ROBO2: variants seen among roughly 807,000 people sequenced by gnomAD.
ROBO2 encodes the protein roundabout guidance receptor 2.
A neutral mutation model predicts 160.8 loss-of-function variants in ROBO2; 53 were observed. That is an observed-to-expected ratio of 0.33 (90% CI 0.26 to 0.41). The LOEUF (loss-of-function observed/expected upper bound fraction) is 0.41, where lower values mean the gene tolerates loss of function less well. Among genes scored for constraint, ROBO2 ranks in the 10% least tolerant of loss-of-function variants. The probability of loss-of-function intolerance (pLI) is 1.00; values close to 1 mark genes in which losing one functional copy is unlikely to be tolerated. For missense variants in ROBO2, 1,577 were observed against 1,722.4 expected, an observed-to-expected ratio of 0.92 and a Z score of 1.49; for synonymous variants, 664 against 611.7, an observed-to-expected ratio of 1.09 and a Z score of -1.26.
chr3:76,769,367 GA>G (rs2061754739), intron 2 of ROBO2, among the ~76,000 whole-genome samples: 1 of 151,222 alleles, frequency 6.6e-6, no homozygotes, highest in African/African-American at 2.4e-5. Flanking sequence ...TGATGATGAT[GA>G]TGATGATACT....
intron 2 of ROBO2, among the ~76,000 whole-genome samples, chr3:75,991,828 G>C (rs1214944355): frequency 1.3e-5 from 2 of 152,118 alleles, no homozygotes; most frequent in African/African-American, 4.8e-5. Flanking sequence ...ATATCCAGGT[G>C]GGGGAGATCT....
At chr3:75,939,752 A>G (rs1196631800) in intron 2 of ROBO2, among the ~76,000 whole-genome samples, 6 of 152,172 alleles carry the variant, frequency 3.9e-5, no homozygotes, top group Admixed American at 3.9e-4. Flanking sequence ...ATTAAATATT[A>G]AATATTACCT....
chr3:77,396,105 C>T lies in ROBO2; in HGVS notation c.389-81309C>T, dbSNP rs1404809570. Among the ~76,000 whole-genome samples the T allele has an allele frequency of 2.0e-5, 3 of 151,838 alleles. No homozygotes were observed. The South Asian group carries it at 6.2e-4, about 32-fold the overall frequency. ...GAAAAGCACTAGCCATTCTCACTTG[C>T]ATCCATCCATCCCTGAGTTAAAATT... On this transcript the variant is annotated intron_variant, in intron 2 of 25. Coordinates refer to ENST00000461745, the Ensembl canonical transcript of ROBO2.
At chr3:77,578,863 A>C (rs565247726) in intron 15 of ROBO2, among the ~76,000 whole-genome samples, 3 of 152,112 alleles carry the variant, frequency 2.0e-5, no homozygotes, top group African/African-American at 7.2e-5. Context: ...CATGTAGTTA[A>C]ATATTGTTAC....
rs540762011 is a variant in ROBO2, at chr3:76,859,191, CAG to C, written c.110-238819_110-238818del. On this transcript the variant is annotated intron_variant, in intron 2 of 26. Transcript: ENST00000487694. ...AAGAAGAAGTCAAGGGTGAAAGTGA[CAG>C]AGAATAATAAAGAAATGATATGCTG... 2.3e-4 allele frequency among the ~76,000 whole-genome samples: 35 copies of C among 152,122 alleles called. No homozygotes were observed. In the South Asian group the frequency reaches 7.3e-3, roughly 32 times the overall value.
chr3:76,795,279 C>A lies in ROBO2; in HGVS notation c.110-302735C>A, dbSNP rs143542091. On this transcript the variant is annotated intron_variant, in intron 2 of 26. Coordinates refer to the ROBO2 transcript ENST00000487694. ...TTTCTTAATATTAGTCCCAATGAAG[C>A]TTGCTGCATCAATTGACTCTTCCTT... Among the ~76,000 whole-genome samples the A allele has an allele frequency of 1.4e-3, 217 of 152,098 alleles. 1 individual carries two copies. Among genetic ancestry groups the A allele is most frequent in the African/African-American group, 5.1e-3 (212 of 41,528 alleles).
chr3:76,603,785 C>T (rs902239780), intron 2 of ROBO2, among the ~76,000 whole-genome samples: 3 of 151,988 alleles, frequency 2.0e-5, no homozygotes, highest in Non-Finnish European at 2.9e-5. Context: ...GTAACATTCT[C>T]GTATAAGTGG....
chr3:76,402,880 A>G (rs2077918763), intron 2 of ROBO2, among the ~76,000 whole-genome samples: 1 of 151,630 alleles, frequency 6.6e-6, no homozygotes, highest in African/African-American at 2.4e-5. Flanking sequence ...TAATCTTTTC[A>G]TCTCAAGGTC....
intron 2 of ROBO2, among the ~76,000 whole-genome samples, chr3:76,169,909 T>C (rs1302914536): frequency 6.6e-6 from 1 of 151,890 alleles, no homozygotes; most frequent in Non-Finnish European, 1.5e-5. Flanking sequence ...GCCTCCCGAG[T>C]AGCTGGGACT....
intron 2 of ROBO2, among the ~76,000 whole-genome samples, chr3:76,925,919 A>T (rs1291190366): frequency 6.6e-6 from 1 of 152,218 alleles, no homozygotes; most frequent in African/African-American, 2.4e-5. Context: ...AGAAAAGATT[A>T]AACTGTGCTT....
chr3:76,888,401 AGTGTTGATGGTG>A (rs1406376770), intron 2 of ROBO2, among the ~76,000 whole-genome samples: 376 of 152,322 alleles, frequency 2.5e-3, no homozygotes, highest in African/African-American at 8.7e-3. Flanking sequence ...AATCTAGTTA[AGTGTTGATGGTG>A]AACATCAGCA....
At chr3:77,097,527 T>G (rs2071248802) in intron 1 of ROBO2, among the ~76,000 whole-genome samples, 2 of 152,254 alleles carry the variant, frequency 1.3e-5, no homozygotes, top group South Asian at 4.2e-4. Context: ...CCTAAGCTTT[T>G]GCCTCATCTG....
At chr3:76,970,524 C>A (rs959361691) in intron 2 of ROBO2, among the ~76,000 whole-genome samples, 5 of 152,100 alleles carry the variant, frequency 3.3e-5, no homozygotes, top group Admixed American at 1.3e-4. Flanking sequence ...AGGTGACAAG[C>A]ATTTGCCGGC....
rs111601234 is a variant in ROBO2, at chr3:76,969,440, C to G, written c.110-128574C>G. ...AAGCTGCATTGTATCGTTCCTAAGC[C>G]TAATTTTATTATTTCTAGGGAATGT... On this transcript the variant is annotated intron_variant, in intron 2 of 26. Transcript: ENST00000487694. 5.4e-3 allele frequency among the ~76,000 whole-genome samples: 821 copies of G among 152,114 alleles called. 7 individuals are homozygous for G. The highest frequency in any genetic ancestry group is 0.019 in the African/African-American group (790 of 41,490).
At chr3:76,724,275 C>G (rs1480074337) in intron 2 of ROBO2, among the ~76,000 whole-genome samples, 1 of 152,142 alleles carries the variant, frequency 6.6e-6, no homozygotes, top group Non-Finnish European at 1.5e-5. Context: ...GATCATGCCA[C>G]CACACTCCAG....
At chr3:76,087,275 T>A (rs2069051776) in intron 2 of ROBO2, among the ~76,000 whole-genome samples, 1 of 152,048 alleles carries the variant, frequency 6.6e-6, no homozygotes, top group Non-Finnish European at 1.5e-5. Context: ...GCCAGATTTT[T>A]AAAATACCTT....
intron 2 of ROBO2, among the ~76,000 whole-genome samples, chr3:76,217,456 C>T (rs572327592): frequency 1.3e-5 from 2 of 151,980 alleles, no homozygotes; most frequent in African/African-American, 4.8e-5. Context: ...ATCAAATAGA[C>T]GCAATAAAAA....
At chr3:76,898,406 A>G (rs1001108772) in intron 2 of ROBO2, among the ~76,000 whole-genome samples, 1 of 152,136 alleles carries the variant, frequency 6.6e-6, no homozygotes, top group African/African-American at 2.4e-5. Flanking sequence ...CTTACTCTTA[A>G]GATGGCACAT....
At chr3:77,389,214 G>A (rs1188096169) in intron 2 of ROBO2, among the ~76,000 whole-genome samples, 2 of 152,154 alleles carry the variant, frequency 1.3e-5, no homozygotes, top group African/African-American at 4.8e-5. Flanking sequence ...AAAGTGCTGG[G>A]ATTACACGTG....
Sources: allele counts gnomAD v4.1 joint callset (sites outside exome capture counted in the v4.1 genomes callset), GRCh38; gene constraint gnomAD v4.1.1; transcripts MANE v1.5; gene names NCBI Gene and HGNC (gene_info 2026-07-23, HGNC 2026-07-21).